Variants in JARID2 observed in about 807,000 individuals in gnomAD.
JARID2 encodes protein Jumonji.
A neutral mutation model predicts 125.6 loss-of-function variants in JARID2; 21 were observed. That is an observed-to-expected ratio of 0.17 (90% confidence interval 0.12 to 0.24). JARID2 has a LOEUF of 0.24. JARID2 is among the 10% of genes least tolerant of loss of function. The probability of loss-of-function intolerance (pLI) is 1.00; values close to 1 mark genes in which losing one functional copy is unlikely to be tolerated. For missense variants in JARID2, 1,303 were observed against 1,639.6 expected (o/e 0.79, Z 3.55); for synonymous variants, 736 against 661.6 (o/e 1.11, Z -1.73).
chr6:15,347,680 G>A (rs1333482719), intron 1 of JARID2, among the ~76,000 whole-genome samples: 1 of 152,176 alleles, frequency 6.6e-6, no homozygotes, highest in Non-Finnish European at 1.5e-5. Context: ...TGTGTATGTT[G>A]GTGGTGATGG....
intron 2 of JARID2, among the ~76,000 whole-genome samples, chr6:15,380,167 C>G (rs1273151450): frequency 1.3e-5 from 2 of 151,936 alleles, no homozygotes; most frequent in African/African-American, 4.8e-5. Context: ...TCCCGAGTAG[C>G]TGGGATTACA....
chr6:15,383,003 A>G (rs1413786324), intron 2 of JARID2, among the ~76,000 whole-genome samples: 3 of 152,048 alleles, frequency 2.0e-5, no homozygotes, highest in Non-Finnish European at 4.4e-5. Context: ...GTAGGGCTAT[A>G]GGGCGGAGGA....
intron 1 of JARID2, among the ~76,000 whole-genome samples, chr6:15,309,990 G>T (rs1217328874): frequency 6.6e-6 from 1 of 152,170 alleles, no homozygotes; most frequent in African/African-American, 2.4e-5. Flanking sequence ...TTCTTCCAAA[G>T]AAGAAAGTCA....
At chr6:15,478,472 C>T (rs200126074) in intron 5 of JARID2, among the ~76,000 whole-genome samples, 2 of 151,028 alleles carry the variant, frequency 1.3e-5, no homozygotes, top group Non-Finnish European at 2.9e-5. Context: ...GACCAAGTTG[C>T]CTATAACTTG....
intron 3 of JARID2, among the ~76,000 whole-genome samples, chr6:15,432,794 A>T (rs923624886): frequency 1.8e-4 from 28 of 152,132 alleles, no homozygotes; most frequent in Non-Finnish European, 4.4e-5. Flanking sequence ...ATAAAGTTAG[A>T]TGTTTGGTTT....
In JARID2 at chr6:15,494,413, CTTT is replaced by C. The variant is rs60218567; in HGVS notation, c.907-1701_907-1699del. Among the ~76,000 whole-genome samples, 238 of 80,580 alleles carry C rather than the reference CTTT, an allele frequency of 3.0e-3. 4 individuals are homozygous for C. In the Middle Eastern group the frequency reaches 0.053, roughly 18 times the overall value. The allele number at this position is 80,580 out of a possible 152,430, so 52.9% of individuals were successfully genotyped here. ...ACTGGTTTGGATGTTTTTGGCAAGT[CTTT>C]TTTTTTTTTTTTTTTTTGAGACAAG... On this transcript the variant is annotated intron_variant, in intron 6 of 17. Transcript: ENST00000341776.
intron 3 of JARID2, among the ~76,000 whole-genome samples, chr6:15,433,422 G>GTGTGTGTGTGTGTGTGTGTGTT (rs1767055495): frequency 1.9e-5 from 2 of 104,158 alleles, no homozygotes; most frequent in Non-Finnish European, 4.5e-5. Context: ...GTGTGTGTGT[G>GTGTGTGTGTGTGTGTGTGTGTT]TGTGTGTGTG....
intron 4 of JARID2, among the ~76,000 whole-genome samples, chr6:15,465,169 A>T (rs1047818804): frequency 1.3e-5 from 2 of 152,156 alleles, no homozygotes; most frequent in East Asian, 1.9e-4. Flanking sequence ...ATTATCGTCT[A>T]TGGGCCGGGC....
intron 3 of JARID2, among the ~76,000 whole-genome samples, chr6:15,443,668 C>T (rs1443862633): frequency 6.6e-6 from 1 of 151,988 alleles, no homozygotes; most frequent in Non-Finnish European, 1.5e-5. Flanking sequence ...ATGATAGATC[C>T]AAAAGATTTA....
intron 4 of JARID2, among the ~76,000 whole-genome samples, chr6:15,454,679 C>T (rs1163135276): frequency 1.3e-5 from 2 of 149,678 alleles, no homozygotes; most frequent in Non-Finnish European, 3.0e-5. Context: ...AGGAGTCTTG[C>T]TGTGTTCCCC....
At chr6:15,269,494 T>C (rs1760214993) in intron 1 of JARID2, among the ~76,000 whole-genome samples, 1 of 151,962 alleles carries the variant, frequency 6.6e-6, no homozygotes, top group South Asian at 2.1e-4. Flanking sequence ...CCCCACCCCC[T>C]AGTAGCTGGG....
intron 1 of JARID2, among the ~76,000 whole-genome samples, chr6:15,300,383 CT>C (rs1761562779): frequency 6.6e-6 from 1 of 152,166 alleles, no homozygotes; most frequent in African/African-American, 2.4e-5. Context: ...GATCATTCCC[CT>C]GCAATTGGAT....
chr6:15,501,040 G>A lies in JARID2; in HGVS notation c.2079G>A (p.Arg693=). 6.2e-7 allele frequency: 1 copy of A among 1,614,162 alleles called. No homozygotes were observed. Among genetic ancestry groups the A allele is most frequent in the Non-Finnish European group, 8.5e-7 (1 of 1,180,014 alleles). ...GCATCCCCAGAACTGCCCAGGACCG[G>A]CTGGCCAAGCTGCAGGAGGCCTACT... ...MLRIPRTAQD[R]LAKLQEAYCQ... is the part of the protein sequence containing the mutation. The change falls in exon 8 of 18, where the codon CGG becomes CGA. Residue 693 remains arginine (R), a synonymous_variant. Transcript: ENST00000341776.
In JARID2 at chr6:15,509,043, T is replaced by C. The variant is rs1771143859; in HGVS notation, c.2846+589T>C. 3.9e-6 allele frequency: 5 copies of C among 1,289,220 alleles called. No homozygotes were observed. The African/African-American group carries it at 4.6e-5, about 12-fold the overall frequency. 79.9% of individuals were successfully genotyped at this position (1,289,220 alleles called of 1,614,324 possible). On this transcript the variant is annotated intron_variant, in intron 12 of 17. Coordinates refer to ENST00000341776, the MANE Select transcript of JARID2 (RefSeq NM_004973.4). ...TGACTTGGGAATCTCGTTCCTGCCA[T>C]GTGGAGACACGCGCGTTATGTACCC...
intron 1 of JARID2, among the ~76,000 whole-genome samples, chr6:15,283,041 C>G (rs532001311): frequency 2.9e-4 from 44 of 151,304 alleles, no homozygotes; most frequent in African/African-American, 9.0e-4. Context: ...TGTAGTGGCG[C>G]GATCTTGGCT....
chr6:15,333,788 G>A (rs1441598250), intron 1 of JARID2, among the ~76,000 whole-genome samples: 1 of 152,128 alleles, frequency 6.6e-6, no homozygotes, highest in Non-Finnish European at 1.5e-5. Flanking sequence ...CAGTAAATAC[G>A]TGGGTGAAAG....
chr6:15,246,262 G>A lies in JARID2; in HGVS notation c.-278G>A. 1 of 547,728 alleles carries A rather than the reference G, an allele frequency of 1.8e-6. No homozygotes were observed. Among genetic ancestry groups the A allele is most frequent in the Non-Finnish European group, 3.2e-6 (1 of 313,134 alleles). The allele number at this position is 547,728 out of a possible 1,614,324, so 33.9% of individuals were successfully genotyped here. On this transcript the variant is annotated 5_prime_UTR_variant, in exon 1 of 18. Coordinates refer to ENST00000341776, the MANE Select transcript of JARID2 (RefSeq NM_004973.4). ...CGTCGGTTTTTTTTTGTGTGTGTGT[G>A]TATGTGTTTCGGGGGAAATTTTCCA...
chr6:15,281,924 C>CTGTGTGTGTG (rs3138771), intron 1 of JARID2, among the ~76,000 whole-genome samples: 153 of 146,256 alleles, frequency 1.0e-3, no homozygotes, highest in African/African-American at 3.4e-3. Context: ...GGTATGTGCT[C>CTGTGTGTGTG]TGTGTGTGTG....
intron 2 of JARID2, 22 bp downstream of exon 2, chr6:15,374,274 C>G (rs756360618): frequency 6.2e-7 from 1 of 1,611,784 alleles, no homozygotes; most frequent in Admixed American, 1.7e-5. Context: ...CTTGGAATAT[C>G]TCATTGGAAT....
Sources: gnomAD v4.1 joint callset for allele counts (sites outside exome capture counted in the v4.1 genomes callset) on GRCh38, gnomAD v4.1.1 for gene constraint, MANE v1.5 for transcripts, NCBI Gene and HGNC (gene_info 2026-07-23, HGNC 2026-07-21) for gene names.